The following LPCAT2 variants were observed in gnomAD, a reference collection of about 807,000 sequenced individuals.
LPCAT2 encodes lysophosphatidylcholine acyltransferase 2.
A neutral mutation model predicts 64.7 loss-of-function variants in LPCAT2; 58 were observed. The ratio of observed to expected loss-of-function variants is 0.90; its 90% CI spans 0.73 to 1.12. LPCAT2 has a LOEUF of 1.12. LPCAT2 is among the 50% of genes most tolerant of loss of function. LPCAT2 has a pLI of 0.00. For missense variants in LPCAT2, 579 were observed against 669.8 expected (o/e 0.86, Z 1.50); for synonymous variants, 252 against 245.3 (o/e 1.03, Z -0.26).
rs754777253 is a variant in LPCAT2, at chr16:55,545,696, C to T, written c.853-39C>T. 32 of 1,308,396 alleles carry T rather than the reference C, an allele frequency of 2.4e-5. No homozygotes were observed. The Middle Eastern group carries it at 1.3e-3, about 53-fold the overall frequency. The allele number at this position is 1,308,396 out of a possible 1,614,324, so 81.0% of individuals were successfully genotyped here. A position where few individuals can be genotyped will look rare whatever the true frequency, so the allele number is the denominator to read the frequency against. ...TTTACTTGGCATTTAATGTCTTAGG[C>T]TTAAGACATTGTTATGGAAAGGTAT... On this transcript the variant is annotated intron_variant, in intron 8 of 13. Transcript: ENST00000262134.
At position 55,585,312 on chromosome 16, in the gene LPCAT2, T is replaced by C. The variant is rs1486831557; in HGVS notation, c.*2214T>C. The C allele has an allele frequency of 6.6e-6, 1 of 152,192 alleles. No individual in the cohort carries two copies. The allele number at this position is 152,192 out of a possible 1,614,324, so 9.4% of individuals were successfully genotyped here. ...CTTTATGAAATGTCAGAAATGATTTTACTCTAATGAAACTCAAATTTTGCC... is the reference window on the plus strand; with the variant it reads ...CTTTATGAAATGTCAGAAATGATTTCACTCTAATGAAACTCAAATTTTGCC... On this transcript the variant is annotated 3_prime_UTR_variant, in exon 14 of 14. Transcript: ENST00000262134.
Position 55,509,332 on chromosome 16 carries a change from G to T in LPCAT2, c.151G>T (p.Gly51Cys). The T allele has an allele frequency of 2.1e-6, 3 of 1,451,232 alleles. No individual in the cohort carries two copies. Among genetic ancestry groups the T allele is most frequent in the Non-Finnish European group, 2.7e-6 (3 of 1,090,910 alleles). 89.9% of individuals were successfully genotyped at this position (1,451,232 alleles called of 1,614,324 possible). The change falls in exon 1 of 14, where the codon GGC becomes TGC. Residue 51 changes from glycine (G) to cysteine (C), a missense_variant. By Grantham distance (159) the Gly-to-Cys change is radical. Transcript: ENST00000262134. ...CCCCTTCGTGCAGCAGACGCAGATC[G>T]GCTCCGCGAGGCGGGTCCAGGTGAG... ...PNPFVQQTQI[G>C]SARRVQIVLL... is the part of the protein sequence containing the mutation.
chr16:55,522,309 A>C (rs1175038162), intron 1 of LPCAT2, among the ~76,000 whole-genome samples: 1 of 151,712 alleles, frequency 6.6e-6, no homozygotes, highest in African/African-American at 2.4e-5. Flanking sequence ...GAAAACTACA[A>C]AATATTGCTG....
chr16:55,579,600 A>G (rs1479476677), intron 13 of LPCAT2, among the ~76,000 whole-genome samples: 1 of 152,164 alleles, frequency 6.6e-6, no homozygotes, highest in Admixed American at 6.6e-5. Flanking sequence ...TCAAAAACCA[A>G]AACAGTTTGA....
chr16:55,547,618 C>G (rs1963468212), intron 9 of LPCAT2, among the ~76,000 whole-genome samples: 1 of 152,150 alleles, frequency 6.6e-6, no homozygotes, highest in Non-Finnish European at 1.5e-5. Flanking sequence ...TTCCTGTTAC[C>G]AAAGCCCAAG....
intron 11 of LPCAT2, among the ~76,000 whole-genome samples, chr16:55,558,990 T>A (rs1963606265): frequency 6.6e-6 from 1 of 152,182 alleles, no homozygotes; most frequent in Non-Finnish European, 1.5e-5. Context: ...TCTTTATTAT[T>A]GACTAATCTG....
At chr16:55,527,831 G>A (rs748730695) in intron 2 of LPCAT2, among the ~76,000 whole-genome samples, 5 of 152,126 alleles carry the variant, frequency 3.3e-5, no homozygotes, top group Admixed American at 6.5e-5. Context: ...GTAACAATAC[G>A]GATTACAAGA....
chr16:55,514,930 G>GTGTGTA (rs2142388095), intron 1 of LPCAT2, among the ~76,000 whole-genome samples: 1 of 148,482 alleles, frequency 6.7e-6, no homozygotes, highest in East Asian at 2.0e-4. Flanking sequence ...GTGTGTGTGT[G>GTGTGTA]TATTCACTAG....
intron 1 of LPCAT2, among the ~76,000 whole-genome samples, chr16:55,516,703 A>G (rs1043160029): frequency 6.6e-6 from 1 of 152,206 alleles, no homozygotes; most frequent in Non-Finnish European, 1.5e-5. Flanking sequence ...AGAGACTTCA[A>G]TTACTCAATA....
intron 11 of LPCAT2, chr16:55,567,596 C>G: frequency 7.7e-7 from 1 of 1,292,026 alleles, no homozygotes; most frequent in Non-Finnish European, 1.1e-6. Context: ...TGCAACAGCT[C>G]TCATTTCCTG....
chr16:55,509,118 G>C lies in LPCAT2; in HGVS notation c.-64G>C, dbSNP rs1224107977. On this transcript the variant is annotated 5_prime_UTR_variant, in exon 1 of 14. Transcript: ENST00000262134. ...TAGGCTGGGACTCTAGTAGGTCTTC[G>C]GCTCAGTTTTGGCTGCAGCGCCCGC... is the stretch of plus-strand genomic sequence containing the variant. The C allele has an allele frequency of 1.3e-5, 16 of 1,267,430 alleles. No homozygotes were observed. Among genetic ancestry groups the C allele is most frequent in the Non-Finnish European group, 1.6e-5 (16 of 996,188 alleles). 78.5% of individuals were successfully genotyped at this position (1,267,430 alleles called of 1,614,324 possible).
At chr16:55,543,563 A>G (rs1363008535) in intron 8 of LPCAT2, among the ~76,000 whole-genome samples, 1 of 152,184 alleles carries the variant, frequency 6.6e-6, no homozygotes, top group Non-Finnish European at 1.5e-5. Context: ...TTTTATACTA[A>G]GCAAATACAA....
At chr16:55,532,689 C>A in intron 5 of LPCAT2, 135 bp from the exon 6 acceptor site, 4 of 531,908 alleles carry the variant, frequency 7.5e-6, no homozygotes, top group Non-Finnish European at 6.5e-6. Context: ...AGGGATTTAC[C>A]AACATTTAGC....
At position 55,583,191 on chromosome 16, in the gene LPCAT2, T is replaced by A; in HGVS notation, c.*93T>A. The A allele has an allele frequency of 1.1e-6, 1 of 934,856 alleles. No individual in the cohort carries two copies. The highest frequency in any genetic ancestry group is 1.5e-6 in the Non-Finnish European group (1 of 651,202). 57.9% of individuals were successfully genotyped at this position (934,856 alleles called of 1,614,324 possible). ...TACTTTTAATGTGTTGGTAATGATGTTTAAAATTGAAAGATTTTTAAAACA... is the reference window on the plus strand; with the variant it reads ...TACTTTTAATGTGTTGGTAATGATGATTAAAATTGAAAGATTTTTAAAACA... On this transcript the variant is annotated 3_prime_UTR_variant, in exon 14 of 14. Coordinates refer to ENST00000262134, the MANE Select transcript of LPCAT2 (RefSeq NM_017839.5).
intron 8 of LPCAT2, chr16:55,538,739 G>T (rs1237497527): frequency 2.0e-5 from 3 of 147,846 alleles, no homozygotes; most frequent in Non-Finnish European, 4.5e-5. Context: ...TTTCTTAGAG[G>T]TTCCTGGGGA....
chr16:55,576,967 A>T (rs144866283), intron 12 of LPCAT2, among the ~76,000 whole-genome samples: 70 of 152,342 alleles, frequency 4.6e-4, no homozygotes, highest in African/African-American at 1.7e-3. Context: ...GCAAGAATTT[A>T]GACTGTTTAG....
chr16:55,554,453 T>C (rs1963552693), intron 11 of LPCAT2, among the ~76,000 whole-genome samples: 1 of 152,230 alleles, frequency 6.6e-6, no homozygotes, highest in Non-Finnish European at 1.5e-5. Flanking sequence ...TTCAATCTTT[T>C]CTTCTGCAGC....
At position 55,534,977 on chromosome 16, in the gene LPCAT2, G is replaced by T. The variant is rs575404021; in HGVS notation, c.797+500G>T. On this transcript the variant is annotated intron_variant, in intron 7 of 13. Transcript: ENST00000262134. The stretch of plus-strand genomic sequence containing the variant: ...GATTTGAAAAGCATTGGAATCAGCA[G>T]TTTCTATAAGCACTTTACTTAAGAG... 1.2e-4 allele frequency among the ~76,000 whole-genome samples: 19 copies of T among 152,260 alleles called. 1 individual carries two copies. The Middle Eastern group carries it at 0.014, about 109-fold the overall frequency.
chr16:55,541,797 G>A (rs1189466781), intron 8 of LPCAT2: 12 of 1,127,848 alleles, frequency 1.1e-5, no homozygotes, highest in Non-Finnish European at 1.4e-5. Context: ...CACATAGTAA[G>A]TGTTCAATAA....
Sources: gnomAD v4.1 joint callset for allele counts (sites outside exome capture counted in the v4.1 genomes callset) on GRCh38, gnomAD v4.1.1 for gene constraint, MANE v1.5 for transcripts, NCBI Gene and HGNC (gene_info 2026-07-23, HGNC 2026-07-21) for gene names.